Variants in NUAK1 observed in about 807,000 individuals in gnomAD.
NUAK1 encodes NUAK family kinase 1, also known as NUAK family SNF1-like kinase 1.
NUAK1 carries 26 observed loss-of-function variants against 56.9 expected under a neutral mutation model. The ratio of observed to expected loss-of-function variants is 0.46; its 90% CI spans 0.33 to 0.63. NUAK1 has a LOEUF of 0.63. Among genes scored for constraint, NUAK1 ranks in the 30% least tolerant of loss-of-function variants. The probability of loss-of-function intolerance (pLI) is 0.02; values close to 1 mark genes in which losing one functional copy is unlikely to be tolerated. For synonymous variants in NUAK1, 337 were observed against 336.0 expected, an observed-to-expected ratio of 1.00 and a Z score of -0.03; for missense variants, 727 against 876.1, an observed-to-expected ratio of 0.83 and a Z score of 2.15.
rs117191486 is a variant in NUAK1 at position 106,113,981 on chromosome 12, G to C, written c.241-7456C>G. 5.3e-4 allele frequency among the ~76,000 whole-genome samples: 81 copies of C among 152,292 alleles called. 1 individual carries two copies. The East Asian group carries it at 0.013, about 25-fold the overall frequency. On this transcript the variant is annotated intron_variant, in intron 1 of 6. Coordinates refer to ENST00000261402, the MANE Select transcript of NUAK1 (RefSeq NM_014840.3). ...ATTCAAAGAAAGACTGAAAATGCCAGGCCATTTAGCTGAGACTGGAGTTGC... is the reference window on the plus strand; with the variant it reads ...ATTCAAAGAAAGACTGAAAATGCCACGCCATTTAGCTGAGACTGGAGTTGC...
At chr12:106,122,665 T>C (rs975349289) in intron 1 of NUAK1, among the ~76,000 whole-genome samples, 2 of 152,176 alleles carry the variant, frequency 1.3e-5, no homozygotes, top group Non-Finnish European at 2.9e-5. Flanking sequence ...ATACAGCAAC[T>C]AGCTTCCCAT....
At chr12:106,126,111 G>C (rs1190663876) in intron 1 of NUAK1, among the ~76,000 whole-genome samples, 5 of 152,134 alleles carry the variant, frequency 3.3e-5, no homozygotes, top group Admixed American at 3.3e-4. Flanking sequence ...AGAGATTAAA[G>C]AAGAAAAATA....
chr12:106,090,394 A>C (rs1209212424), intron 2 of NUAK1, among the ~76,000 whole-genome samples: 1 of 152,182 alleles, frequency 6.6e-6, no homozygotes, highest in Non-Finnish European at 1.5e-5. Flanking sequence ...AAGCTTCTTG[A>C]AGCCTTTCTT....
intron 1 of NUAK1, among the ~76,000 whole-genome samples, chr12:106,115,872 C>T (rs1592860145): frequency 6.6e-6 from 1 of 152,110 alleles, no homozygotes; most frequent in South Asian, 2.1e-4. Context: ...CTAGTTGTGC[C>T]CTGGGTTGGG....
intron 5 of NUAK1, among the ~76,000 whole-genome samples, chr12:106,072,134 G>C (rs2032412085): frequency 6.6e-6 from 1 of 152,170 alleles, no homozygotes; most frequent in African/African-American, 2.4e-5. Flanking sequence ...TCCTTAGTCA[G>C]ATATGCATGC....
chr12:106,102,223 T>C (rs2032756965), intron 2 of NUAK1, among the ~76,000 whole-genome samples: 1 of 152,224 alleles, frequency 6.6e-6, no homozygotes, highest in Non-Finnish European at 1.5e-5. Flanking sequence ...AGGCACTGGA[T>C]TCTCGTTAAC....
At position 106,067,660 on chromosome 12, in the gene NUAK1, G is replaced by A. The variant is rs1225673584; in HGVS notation, c.1128C>T (p.Asp376=). ...RSLKKSKKEN[D]FAQSGQDAVP... ...CTGCATCCTGACCAGACTGAGCAAA[G>A]TCATTCTCTTTCTTGGATTTCTTCA... Residue 376 remains aspartate, a synonymous_variant, in exon 7 of 7, where the codon GAC becomes GAT. Transcript: ENST00000261402. The surrounding 1 kb of genome is among the most constrained non-coding windows in gnomAD (Gnocchi z 6.0). The A allele has an allele frequency of 6.2e-7, 1 of 1,614,116 alleles. No individual in the cohort carries two copies. Among genetic ancestry groups the A allele is most frequent in the Non-Finnish European group, 8.5e-7 (1 of 1,180,046 alleles).
intron 4 of NUAK1, among the ~76,000 whole-genome samples, chr12:106,079,512 G>C (rs990822553): frequency 7.2e-5 from 11 of 152,132 alleles, no homozygotes; most frequent in Admixed American, 2.0e-4. Context: ...CAGTCAAGCA[G>C]AGACCCCAAA....
chr12:106,063,768 T>C lies in NUAK1; in HGVS notation c.*3034A>G, dbSNP rs1273854423. ...CATGCCAGTAAATCCCTACAGAACA[T>C]TTCCAGTTTGGCAACAAGCAGTCAG... On this transcript the variant is annotated 3_prime_UTR_variant, in exon 7 of 7. Transcript: ENST00000261402. The C allele has an allele frequency of 2.6e-5, 4 of 152,332 alleles. No homozygotes were observed. The highest frequency in any genetic ancestry group is 5.9e-5 in the Non-Finnish European group (4 of 67,994). 9.4% of individuals were successfully genotyped at this position (152,332 alleles called of 1,614,324 possible).
chr12:106,086,795 C>A lies in NUAK1; in HGVS notation c.452G>T (p.Ser151Ile). 6.2e-7 allele frequency: 1 copy of A among 1,614,194 alleles called. No individual in the cohort carries two copies. Among genetic ancestry groups the A allele is most frequent in the Middle Eastern group, 1.6e-4 (1 of 6,062 alleles). Residue 151 changes from serine (S) to isoleucine (I), a missense_variant, in exon 3 of 7, where the codon AGT becomes ATT. Coordinates refer to ENST00000261402, the MANE Select transcript of NUAK1 (RefSeq NM_014840.3). ...YDYISERRRL[S>I]ERETRHFFRQ... ...GAAGAAGTGCCGGGTCTCCCTCTCA[C>A]TGAGGCGTCGCCGCTCACTGATGTA...
chr12:106,114,590 G>C (rs2032897599), intron 1 of NUAK1, among the ~76,000 whole-genome samples: 1 of 152,224 alleles, frequency 6.6e-6, no homozygotes, highest in Admixed American at 6.5e-5. Context: ...TCATGTTACA[G>C]ATGGGGAAAC....
intron 1 of NUAK1, 129 bp from the exon 2 acceptor site, chr12:106,106,654 G>C: frequency 1.1e-6 from 1 of 878,740 alleles, no homozygotes; most frequent in South Asian, 2.2e-5. Context: ...ACAAAGCTTG[G>C]AAATGCCCCC....
At chr12:106,072,490 T>C (rs2032416043) in intron 5 of NUAK1, among the ~76,000 whole-genome samples, 1 of 152,222 alleles carries the variant, frequency 6.6e-6, no homozygotes, top group African/African-American at 2.4e-5. Flanking sequence ...TAAGTGATTA[T>C]CTTTTCTAGG....
rs567262001 is a variant in NUAK1 at position 106,078,767 on chromosome 12, G to A, written c.579+5097C>T. On this transcript the variant is annotated intron_variant, in intron 4 of 6. Transcript: ENST00000261402. ...TGTGAGGAGGCTCTTAAAAGAGGGCGCGTCCAAGCAGCAGCTCCCATGGAT... is the reference window on the plus strand; with the variant it reads ...TGTGAGGAGGCTCTTAAAAGAGGGCACGTCCAAGCAGCAGCTCCCATGGAT... Among the ~76,000 whole-genome samples, 5 of 152,308 alleles carry A rather than the reference G, an allele frequency of 3.3e-5. No individual in the cohort carries two copies. The South Asian group carries it at 6.2e-4, about 19-fold the overall frequency.
chr12:106,097,937 C>T (rs144813499), intron 2 of NUAK1, among the ~76,000 whole-genome samples: 20 of 152,324 alleles, frequency 1.3e-4, no homozygotes, highest in African/African-American at 4.8e-4. Context: ...CAGGATGGAG[C>T]AGCAACACTT....
intron 1 of NUAK1, among the ~76,000 whole-genome samples, chr12:106,130,174 G>T (rs1393507485): frequency 6.6e-6 from 1 of 152,156 alleles, no homozygotes; most frequent in African/African-American, 2.4e-5. Flanking sequence ...TAGAGACGGG[G>T]TTTCACCATG....
rs969576690 is a variant in NUAK1 at position 106,063,623 on chromosome 12, A to T, written c.*3179T>A. Reference sequence around the variant, plus strand: ...ATAAATAAAAAAGACAAATTCAAATAAAAAAGTCAACTTTTTATTACCAAA... The same window carrying T: ...ATAAATAAAAAAGACAAATTCAAATTAAAAAGTCAACTTTTTATTACCAAA... On this transcript the variant is annotated 3_prime_UTR_variant, in exon 7 of 7. Coordinates refer to ENST00000261402, the MANE Select transcript of NUAK1 (RefSeq NM_014840.3). 2 of 152,582 alleles carry T rather than the reference A, an allele frequency of 1.3e-5. No homozygotes were observed. The highest frequency in any genetic ancestry group is 4.8e-5 in the African/African-American group (2 of 41,440). The allele number at this position is 152,582 out of a possible 1,614,324, so 9.5% of individuals were successfully genotyped here. A position where few individuals can be genotyped will look rare whatever the true frequency, so the allele number is the denominator to read the frequency against.
intron 2 of NUAK1, among the ~76,000 whole-genome samples, chr12:106,089,955 C>T (rs2032618435): frequency 6.6e-6 from 1 of 152,190 alleles, no homozygotes; most frequent in Admixed American, 6.5e-5. Context: ...AGTACTCATT[C>T]TGCAAGCTAT....
intron 4 of NUAK1, among the ~76,000 whole-genome samples, chr12:106,078,468 T>A (rs1167138022): frequency 6.6e-6 from 1 of 152,210 alleles, no homozygotes; most frequent in Non-Finnish European, 1.5e-5. Context: ...AAAGGGGAGT[T>A]ATTGCTGTCA....
Sources: allele counts gnomAD v4.1 joint callset (sites outside exome capture counted in the v4.1 genomes callset), GRCh38; gene constraint gnomAD v4.1.1; non-coding constraint Gnocchi (gnomAD v3.1); transcripts MANE v1.5; gene names NCBI Gene and HGNC (gene_info 2026-07-23, HGNC 2026-07-21).